The following ZC3H12B variants were observed in gnomAD, a reference collection of about 807,000 sequenced individuals.
ZC3H12B encodes zinc finger CCCH-type containing 12B, also known as probable ribonuclease ZC3H12B.
ZC3H12B carries 7 observed loss-of-function variants against 43.9 expected under a neutral mutation model. That is an observed-to-expected ratio of 0.16 (90% CI 0.09 to 0.30). ZC3H12B has a LOEUF of 0.30. ZC3H12B is among the 10% of genes least tolerant of loss of function. The probability of loss-of-function intolerance (pLI) is 1.00; values close to 1 mark genes in which losing one functional copy is unlikely to be tolerated. For synonymous variants in ZC3H12B, 222 were observed against 241.7 expected (o/e 0.92, Z 0.76); for missense variants, 475 against 670.2 (o/e 0.71, Z 3.22).
chrX:65,425,380 G>C (rs1423891209), intron 3 of ZC3H12B, among the ~76,000 whole-genome samples: 1 of 111,114 alleles, frequency 9.0e-6, no homozygotes, highest in East Asian at 2.8e-4. Context: ...TGACTATGGG[G>C]TTTTCTAGAT....
At chrX:65,411,040 A>C (rs2066897791) in intron 3 of ZC3H12B, among the ~76,000 whole-genome samples, 1 of 112,569 alleles carries the variant, frequency 8.9e-6, no homozygotes, top group African/African-American at 3.2e-5. Context: ...ACAATAGCTA[A>C]GATTTGGAAG....
intron 2 of ZC3H12B, among the ~76,000 whole-genome samples, chrX:65,385,486 T>C (rs191392445): frequency 2.0e-4 from 22 of 112,333 alleles, no homozygotes; most frequent in Admixed American, 1.9e-3. Context: ...TTGTGATTTT[T>C]GCACATTGAT....
At chrX:65,213,908 TACAC>T in the ZC3H12B span, among the ~76,000 whole-genome samples, 5 of 102,146 alleles carry the variant, frequency 4.9e-5, no homozygotes. Flanking sequence ...TACATATATA[TACAC>T]ACACACATAT....
intron 3 of ZC3H12B, among the ~76,000 whole-genome samples, chrX:65,440,525 C>A (rs748644966): frequency 2.7e-4 from 30 of 112,409 alleles, no homozygotes; most frequent in African/African-American, 9.7e-4. Context: ...GAATAAGAAG[C>A]TTTACCATTA....
chrX:65,265,284 A>G, the ZC3H12B span, among the ~76,000 whole-genome samples: 1 of 112,225 alleles, frequency 8.9e-6, no homozygotes, highest in Non-Finnish European at 1.9e-5. Flanking sequence ...TTACAGACTA[A>G]TGAAATAACG....
the ZC3H12B span, among the ~76,000 whole-genome samples, chrX:65,070,659 C>A: frequency 9.0e-6 from 1 of 110,703 alleles, no homozygotes; most frequent in South Asian, 3.8e-4. Flanking sequence ...TTTCAAAGAA[C>A]TTCTTGATGT....
At chrX:65,238,498 T>C in the ZC3H12B span, among the ~76,000 whole-genome samples, 1 of 111,116 alleles carries the variant, frequency 9.0e-6, no homozygotes, top group African/African-American at 3.3e-5. Flanking sequence ...TCTTCTTTAT[T>C]AGTCTAGATA....
At chrX:65,301,174 T>TA in the ZC3H12B span, among the ~76,000 whole-genome samples, 28 of 107,865 alleles carry the variant, frequency 2.6e-4, no homozygotes, top group Non-Finnish European at 4.2e-4. Flanking sequence ...AATAAAAATT[T>TA]AAAAAAAAAA....
At chrX:65,203,458 A>T in the ZC3H12B span, among the ~76,000 whole-genome samples, 1 of 110,720 alleles carries the variant, frequency 9.0e-6, no homozygotes, top group Admixed American at 9.8e-5. Context: ...GAATTCTGCC[A>T]GGACTGGGTC....
the ZC3H12B span, among the ~76,000 whole-genome samples, chrX:65,270,480 A>G: frequency 8.9e-6 from 1 of 111,901 alleles, no homozygotes; most frequent in Non-Finnish European, 1.9e-5. Flanking sequence ...TGGCAATCAT[A>G]TTTTGGATAT....
At chrX:65,454,449 C>A (rs2067574132) in intron 3 of ZC3H12B, among the ~76,000 whole-genome samples, 1 of 112,158 alleles carries the variant, frequency 8.9e-6, no homozygotes, top group Non-Finnish European at 1.9e-5. Flanking sequence ...CCCACCATTG[C>A]CGAGGCTTGA....
chrX:65,196,529 C>G, the ZC3H12B span, among the ~76,000 whole-genome samples: 1 of 111,325 alleles, frequency 9.0e-6, no homozygotes, highest in Non-Finnish European at 1.9e-5. Flanking sequence ...TTCACAGGCT[C>G]AATTATAATG....
chrX:65,179,830 G>T, the ZC3H12B span, among the ~76,000 whole-genome samples: 3 of 111,940 alleles, frequency 2.7e-5, no homozygotes, highest in Non-Finnish European at 5.6e-5. Context: ...TCTCTGAATA[G>T]ACCAATAACA....
the ZC3H12B span, among the ~76,000 whole-genome samples, chrX:65,164,557 G>A: frequency 4.5e-5 from 5 of 111,458 alleles, no homozygotes; most frequent in Non-Finnish European, 9.4e-5. Flanking sequence ...GGTTAGTTTT[G>A]GGAAGAGATT....
the ZC3H12B span, among the ~76,000 whole-genome samples, chrX:65,226,367 G>A: frequency 9.0e-6 from 1 of 111,379 alleles, no homozygotes; most frequent in Non-Finnish European, 1.9e-5. Context: ...AGCGCCTGAA[G>A]GAAGCAATAA....
the ZC3H12B span, among the ~76,000 whole-genome samples, chrX:65,052,340 G>A: frequency 9.0e-6 from 1 of 110,857 alleles, no homozygotes; most frequent in African/African-American, 3.3e-5. Context: ...CACTCTTTAA[G>A]CTATTTTAAG....
intron 3 of ZC3H12B, among the ~76,000 whole-genome samples, chrX:65,476,856 C>G (rs1396305089): frequency 2.5e-4 from 26 of 105,325 alleles, no homozygotes; most frequent in African/African-American, 9.1e-4. Context: ...TTGTCTCACT[C>G]TGTCACACAG....
At chrX:65,195,517 G>T in the ZC3H12B span, among the ~76,000 whole-genome samples, 2 of 111,817 alleles carry the variant, frequency 1.8e-5, no homozygotes, top group African/African-American at 6.5e-5. Context: ...ATATCTTATT[G>T]TACTATCTAT....
the ZC3H12B span, among the ~76,000 whole-genome samples, chrX:65,309,194 A>G: frequency 1.8e-5 from 2 of 110,964 alleles, no homozygotes; most frequent in South Asian, 3.8e-4. Context: ...AAAAAAATCA[A>G]TGAATCCAGG....
Sources: gnomAD v4.1 joint callset for allele counts (sites outside exome capture counted in the v4.1 genomes callset) on GRCh38, gnomAD v4.1.1 for gene constraint, MANE v1.5 for transcripts, NCBI Gene and HGNC (gene_info 2026-07-23, HGNC 2026-07-21) for gene names.